The following SRCAP variants were observed in gnomAD, a reference collection of about 807,000 sequenced individuals.
SRCAP encodes the protein Snf2 related CREBBP activator protein, also known as chromatin remodeling protein SRCAP.
In SRCAP, 46 loss-of-function variants were observed where a neutral mutation model predicts 263.1. The ratio of observed to expected loss-of-function variants is 0.17; its 90% confidence interval spans 0.14 to 0.22. The LOEUF is 0.22. SRCAP is among the 10% of genes least tolerant of loss of function. The pLI, the probability that SRCAP is intolerant of heterozygous loss-of-function variation, is 1.00. For synonymous variants in SRCAP, 1,813 were observed against 1,662.1 expected (o/e 1.09, Z -2.21); for missense variants, 3,695 against 4,181.9 (o/e 0.88, Z 3.21).
chr16:30,723,472 G>A (rs1275471853), intron 24 of SRCAP, 112 bp from the exon 25 acceptor site: 29 of 1,505,864 alleles, frequency 1.9e-5, no homozygotes, highest in Non-Finnish European at 2.6e-5. Context: ...CATGTTGTGG[G>A]AGTGAATGCC....
In SRCAP at chr16:30,710,071, T is replaced by C. The variant is rs1159715350; in HGVS notation, c.1077T>C (p.Ser359=). ...SPSQTPSSHD[S]DTRDGPEEGA... ...CTCAAACCCCCTCATCTCATGATAGTGACACCCGAGATGGGCCTGAAGAAG... is the reference window on the plus strand; with the variant it reads ...CTCAAACCCCCTCATCTCATGATAGCGACACCCGAGATGGGCCTGAAGAAG... The change falls in exon 8 of 34, where the codon AGT becomes AGC. Residue 359 remains serine (S), a synonymous_variant. Coordinates refer to ENST00000262518, the MANE Select transcript of SRCAP (RefSeq NM_006662.3). 6.2e-7 allele frequency: 1 copy of C among 1,614,068 alleles called. No individual in the cohort carries two copies. Among genetic ancestry groups the C allele is most frequent in the Admixed American group, 1.7e-5 (1 of 60,000 alleles).
chr16:30,730,286 C>T (rs1344325973), intron 27 of SRCAP, among the ~76,000 whole-genome samples: 3 of 151,852 alleles, frequency 2.0e-5, no homozygotes, highest in African/African-American at 4.8e-5. Flanking sequence ...AGACAAGGAC[C>T]TTTTTGTGTT....
Position 30,707,352 on chromosome 16 carries a change from G to A in SRCAP, c.476G>A (p.Arg159Gln), listed in dbSNP as rs993440316. The change falls in exon 5 of 34, where the codon CGG (arginine) becomes CAG (glutamine). Residue 159 changes from arginine (R) to glutamine (Q), a missense_variant. Coordinates refer to ENST00000262518, the MANE Select transcript of SRCAP (RefSeq NM_006662.3). Reference sequence around the variant, plus strand: ...TTTGCTCAGGAGCGCCGTTGGAAACGGGGTGTGGCCCGGAAGGTAGGTCTT... The same window carrying A: ...TTTGCTCAGGAGCGCCGTTGGAAACAGGGTGTGGCCCGGAAGGTAGGTCTT... ...ADFAQERRWK[R>Q]GVARKVVRMV... 5.0e-6 allele frequency: 8 copies of A among 1,614,018 alleles called. No homozygotes were observed. The highest frequency in any genetic ancestry group is 6.8e-6 in the Non-Finnish European group (8 of 1,180,014).
intron 14 of SRCAP, 152 bp from the exon 15 acceptor site, chr16:30,713,056 A>C: frequency 1.0e-6 from 1 of 964,876 alleles, no homozygotes; most frequent in East Asian, 2.5e-5. Context: ...CACCGCACCC[A>C]GGCCCCTCCT....
intron 27 of SRCAP, among the ~76,000 whole-genome samples, chr16:30,729,904 A>G (rs554892414): frequency 1.7e-4 from 26 of 152,150 alleles, no homozygotes; most frequent in Non-Finnish European, 2.9e-4. Flanking sequence ...AATAGCTGTG[A>G]TTACAGACAT....
Position 30,738,209 on chromosome 16 carries a change from C to G in SRCAP, c.8169C>G (p.Arg2723=). The G allele has an allele frequency of 6.2e-7, 1 of 1,614,206 alleles. No homozygotes were observed. The highest frequency in any genetic ancestry group is 8.5e-7 in the Non-Finnish European group (1 of 1,180,038). ...CACCTGCCCGACCTCCTCGGCGTCG[C>G]ACCAGTGCTGATGTGGAAATTAGGG... ...GPSPARPPRR[R]TSADVEIRGQ... Residue 2723 remains arginine, a synonymous_variant, in exon 34 of 34, where the codon CGC becomes CGG. Coordinates refer to ENST00000262518, the MANE Select transcript of SRCAP (RefSeq NM_006662.3).
chr16:30,733,889 C>G lies in SRCAP; in HGVS notation c.6495-5C>G, dbSNP rs189024516. ...TGCTTACACACGGCCTTCATCACCC[C>G]CTAGGCTTATCAGTGAACGGACAGT... On this transcript the variant is annotated splice_polypyrimidine_tract_variant and splice_region_variant and intron_variant, in intron 29 of 33. Transcript: ENST00000262518. The surrounding 1 kb of genome is among the most constrained non-coding windows in gnomAD (Gnocchi z 5.3). 5.4e-5 allele frequency: 87 copies of G among 1,613,966 alleles called. No homozygotes were observed. The East Asian group carries it at 1.9e-3, about 35-fold the overall frequency.
chr16:30,722,089 C>G, intron 21 of SRCAP, 33 bp from the exon 22 acceptor site: 4 of 1,599,744 alleles, frequency 2.5e-6, no homozygotes, highest in Non-Finnish European at 3.4e-6. Context: ...GCAGGATGAG[C>G]CTTGTGTACA....
At chr16:30,717,021 C>G (rs564041563) in intron 18 of SRCAP, among the ~76,000 whole-genome samples, 1 of 152,140 alleles carries the variant, frequency 6.6e-6, no homozygotes, top group African/African-American at 2.4e-5. Flanking sequence ...TTGGGAAAAC[C>G]TCCACTGTTT....
chr16:30,734,665 A>G (rs2053142703), intron 31 of SRCAP, 50 bp downstream of exon 31: 1 of 1,611,716 alleles, frequency 6.2e-7, no homozygotes, highest in Non-Finnish European at 8.5e-7. Context: ...CTTACAGAAT[A>G]TCTTGTCTTT....
rs547638683 is a variant in SRCAP, at chr16:30,703,837, C to T, written c.55-227C>T. Among the ~76,000 whole-genome samples, 10 of 152,212 alleles carry T rather than the reference C, an allele frequency of 6.6e-5. No individual in the cohort carries two copies. In the East Asian group the frequency reaches 1.7e-3, roughly 27 times the overall value. On this transcript the variant is annotated intron_variant, in intron 3 of 33. Transcript: ENST00000262518. ...GCATGAACCCGGGAGGCGGAGCTTGCGGTGAGCCGAGATCGCGCCACTGCA... is the reference window on the plus strand; with the variant it reads ...GCATGAACCCGGGAGGCGGAGCTTGTGGTGAGCCGAGATCGCGCCACTGCA...
rs76081893 is a variant in SRCAP, at chr16:30,711,775, G to A, written c.1492+31G>A. 2.3e-3 allele frequency: 3,754 copies of A among 1,610,310 alleles called. 65 individuals carry two copies. The African/African-American group carries it at 0.042, about 18-fold the overall frequency. On this transcript the variant is annotated intron_variant, in intron 11 of 33. Transcript: ENST00000262518. ...TATGTGGTCATGAAGCAGGAGCTGG[G>A]GAGGGTGGCCATTGGAAGAGCAGGT...
Position 30,712,689 on chromosome 16 carries a change from T to C in SRCAP, c.2004T>C (p.Gly668=). The change falls in exon 14 of 34, where the codon GGT becomes GGC. Residue 668 remains glycine (G), a synonymous_variant. Coordinates refer to ENST00000262518, the MANE Select transcript of SRCAP (RefSeq NM_006662.3). Reference sequence around the variant, plus strand: ...TTTTTTGCCTAACAGGTAACTGGGGTCCCCATTTAATCATTGTTCCCACCA... The same window carrying C: ...TTTTTTGCCTAACAGGTAACTGGGGCCCCCATTTAATCATTGTTCCCACCA... ...AHLACEKGNW[G]PHLIIVPTSV... is the part of the protein sequence containing the mutation. 6.2e-7 allele frequency: 1 copy of C among 1,613,800 alleles called. No individual in the cohort carries two copies. The highest frequency in any genetic ancestry group is 8.5e-7 in the Non-Finnish European group (1 of 1,179,930).
intron 3 of SRCAP, among the ~76,000 whole-genome samples, chr16:30,702,407 T>C (rs1451232282): frequency 6.6e-6 from 1 of 151,888 alleles, no homozygotes; most frequent in East Asian, 1.9e-4. Context: ...TAATTTTCTG[T>C]GTTTTTAGTA....
intron 13 of SRCAP, 113 bp from the exon 14 acceptor site, chr16:30,712,566 G>A: frequency 1.3e-6 from 2 of 1,544,866 alleles, no homozygotes; most frequent in Non-Finnish European, 1.8e-6. Flanking sequence ...AGAGAGGACA[G>A]TGTAGGTGCT....
rs1161039272 is a variant in SRCAP at position 30,737,664 on chromosome 16, A to G, written c.7624A>G (p.Asn2542Asp). 2 of 1,613,830 alleles carry G rather than the reference A, an allele frequency of 1.2e-6. No homozygotes were observed. The highest frequency in any genetic ancestry group is 1.7e-6 in the Non-Finnish European group (2 of 1,180,004). ...TGTGCCCATCTCTGCCTCAGTCACT[A>G]ATCTCCCCTTGGGCTTGAGGCCTGA... ...PSVPISASVT[N>D]LPLGLRPEAE... The change falls in exon 34 of 34, where the codon AAT (asparagine) becomes GAT (aspartate). Residue 2542 changes from asparagine to aspartate, a missense_variant. Around this residue, in one of 12 missense-constraint regions of SRCAP, gnomAD observed 1,207 missense variants for 1,142.9 expected, o/e 1.06. Coordinates refer to ENST00000262518, the MANE Select transcript of SRCAP (RefSeq NM_006662.3).
rs374747135 is a variant in SRCAP at position 30,711,582 on chromosome 16, A to T, written c.1330A>T (p.Met444Leu). The change falls in exon 11 of 34, where the codon ATG (methionine) becomes TTG (leucine). Residue 444 changes from methionine (M) to leucine (L), a missense_variant. By Grantham distance (15) the Met-to-Leu change is conservative. Coordinates refer to ENST00000262518, the MANE Select transcript of SRCAP (RefSeq NM_006662.3). ...SELAREGELS[M>L]EELLQQYAGA... ...TGTTTCTCTTCCAGGTGAGCTTTCC[A>T]TGGAGGAGCTATTGCAGCAGTATGC... 6.3e-7 allele frequency: 1 copy of T among 1,591,042 alleles called. No homozygotes were observed. The highest frequency in any genetic ancestry group is 1.4e-5 in the African/African-American group (1 of 73,272).
chr16:30,729,947 T>C (rs570217558), intron 27 of SRCAP, among the ~76,000 whole-genome samples: 58 of 152,180 alleles, frequency 3.8e-4, no homozygotes, highest in Non-Finnish European at 7.6e-4. Flanking sequence ...TTTGTATTTT[T>C]AGTAGAGATG....
chr16:30,727,007 T>C (rs2053070921), intron 25 of SRCAP, among the ~76,000 whole-genome samples: 1 of 152,156 alleles, frequency 6.6e-6, no homozygotes, highest in African/African-American at 2.4e-5. Context: ...TGGCCAGATT[T>C]TTTTGTATTT....
Sources: allele counts gnomAD v4.1 joint callset (sites outside exome capture counted in the v4.1 genomes callset), GRCh38; gene constraint gnomAD v4.1.1; regional missense constraint gnomAD v4.1.1; non-coding constraint Gnocchi (gnomAD v3.1); transcripts MANE v1.5; gene names NCBI Gene and HGNC (gene_info 2026-07-23, HGNC 2026-07-21).